Variants in ACBD5 observed in about 807,000 individuals in gnomAD.
ACBD5 encodes acyl-CoA binding domain containing 5.
Under a neutral mutation model 71.8 loss-of-function variants are expected in ACBD5, and 40 were observed. The observed-to-expected ratio is 0.56, with a 90% CI of 0.43 to 0.72. The LOEUF is 0.72. Ranked by LOEUF, ACBD5 falls within the 30% of genes least tolerant of loss-of-function variation. The pLI, the probability that ACBD5 is intolerant of heterozygous loss-of-function variation, is 0.00. For missense variants in ACBD5, 559 were observed against 644.5 expected, an observed-to-expected ratio of 0.87 and a Z score of 1.44; for synonymous variants, 229 against 218.6, an observed-to-expected ratio of 1.05 and a Z score of -0.42.
Position 27,239,954 on chromosome 10 carries a change from G to T in ACBD5, c.181+365C>A, listed in dbSNP as rs149023091. Among the ~76,000 whole-genome samples the T allele has an allele frequency of 7.3e-3, 1,117 of 152,230 alleles. 21 individuals are homozygous for T. Among genetic ancestry groups the T allele is most frequent in the East Asian group, 0.048 (249 of 5,174 alleles). ...GTAGAGACGGGGTTTCACCATATTG[G>T]TCAGGCTGGTCTTGAACTCCTGACC... On this transcript the variant is annotated intron_variant, in intron 2 of 12. Coordinates refer to ENST00000396271, the MANE Select transcript of ACBD5 (RefSeq NM_145698.5).
intron 13 of ACBD5, among the ~76,000 whole-genome samples, chr10:27,184,874 T>C (rs1329655164): frequency 1.3e-5 from 2 of 152,172 alleles, no homozygotes; most frequent in African/African-American, 4.8e-5. Flanking sequence ...GAGCATACTT[T>C]TATTTTACTA....
intron 4 of ACBD5, among the ~76,000 whole-genome samples, chr10:27,229,100 G>T (rs899696104): frequency 2.0e-5 from 3 of 150,780 alleles, no homozygotes; most frequent in African/African-American, 7.3e-5. Flanking sequence ...GGGATTACAG[G>T]CCTGAGCCAC....
intron 4 of ACBD5, among the ~76,000 whole-genome samples, chr10:27,224,254 G>A (rs1415541833): frequency 6.6e-6 from 1 of 151,802 alleles, no homozygotes. Flanking sequence ...GTGCACGCCT[G>A]TAGTCCCAGC....
chr10:27,217,904 A>T (rs1418445584), intron 7 of ACBD5, 76 bp downstream of exon 7: 3 of 1,274,338 alleles, frequency 2.4e-6, no homozygotes, highest in African/African-American at 1.5e-5. Context: ...AATTAAACTG[A>T]TCCTAAAGAT....
chr10:27,203,265 C>T (rs1028348762), intron 12 of ACBD5, among the ~76,000 whole-genome samples: 2 of 152,094 alleles, frequency 1.3e-5, no homozygotes, highest in Non-Finnish European at 2.9e-5. Flanking sequence ...GGATTATAGA[C>T]ATGAGCCACT....
chr10:27,225,719 T>A (rs867867688), intron 4 of ACBD5, among the ~76,000 whole-genome samples: 7 of 152,148 alleles, frequency 4.6e-5, no homozygotes, highest in Non-Finnish European at 1.0e-4. Context: ...AAGAGAAATG[T>A]TTAATGTGAC....
chr10:27,234,081 T>C (rs2064295593), intron 3 of ACBD5, among the ~76,000 whole-genome samples: 2 of 152,276 alleles, frequency 1.3e-5, no homozygotes, highest in Admixed American at 1.3e-4. Flanking sequence ...CTTCACCAAT[T>C]AGCATATTCT....
chr10:27,223,569 T>A (rs1029166323), intron 4 of ACBD5, 117 bp from the exon 5 acceptor site: 5 of 796,778 alleles, frequency 6.3e-6, no homozygotes, highest in East Asian at 2.7e-5. Flanking sequence ...ACATTCATAA[T>A]AGACTCTCTG....
At chr10:27,234,205 C>T (rs1235414084) in intron 3 of ACBD5, among the ~76,000 whole-genome samples, 1 of 152,080 alleles carries the variant, frequency 6.6e-6, no homozygotes, top group Non-Finnish European at 1.5e-5. Flanking sequence ...AGTACAGGTA[C>T]CTGTATCTAT....
intron 4 of ACBD5, among the ~76,000 whole-genome samples, chr10:27,229,019 G>A (rs1223912505): frequency 4.7e-5 from 7 of 148,356 alleles, no homozygotes; most frequent in East Asian, 2.0e-4. Flanking sequence ...ACGGGGTTTC[G>A]CCATGTTGGC....
In ACBD5 at chr10:27,231,799, A is replaced by G; in HGVS notation, c.324T>C (p.Gly108=). 1 of 1,613,770 alleles carries G rather than the reference A, an allele frequency of 6.2e-7. No homozygotes were observed. The highest frequency in any genetic ancestry group is 8.5e-7 in the Non-Finnish European group (1 of 1,179,948). The change falls in exon 4 of 13, where the codon GGT becomes GGC. Residue 108 remains glycine (G), a synonymous_variant. Transcript: ENST00000396271. ...RYKWDAWSSL[G]DMTKEEAMIA... ...TCATGGCTTCCTCTTTGGTCATATC[A>G]CCCAGTGAACTCCAAGCATCCCTAG...
intron 12 of ACBD5, among the ~76,000 whole-genome samples, chr10:27,200,754 C>T (rs113681814): frequency 0.059 from 8,990 of 152,188 alleles, 422 homozygotes; most frequent in Admixed American, 0.12. Flanking sequence ...CCACCGCGTC[C>T]GGCCTATTCC....
At chr10:27,221,683 T>C (rs1440261004) in intron 5 of ACBD5, among the ~76,000 whole-genome samples, 1 of 151,270 alleles carries the variant, frequency 6.6e-6, no homozygotes, top group African/African-American at 2.4e-5. Flanking sequence ...GGAAGCTGAG[T>C]TGGGAGGATT....
At position 27,200,678 on chromosome 10, in the gene ACBD5, C is replaced by T. The variant is rs541606140; in HGVS notation, c.1566-3236G>A. ...TTCACCATGTTGGTCAGGCTGGTCT[C>T]GAGCTCCTGACCTCAGGTGACCGGC... On this transcript the variant is annotated intron_variant, in intron 12 of 12. Coordinates refer to ENST00000396271, the MANE Select transcript of ACBD5 (RefSeq NM_145698.5). Among the ~76,000 whole-genome samples, 5 of 152,234 alleles carry T rather than the reference C, an allele frequency of 3.3e-5. No individual in the cohort carries two copies. In the South Asian group the frequency reaches 6.2e-4, roughly 19 times the overall value.
At chr10:27,186,138 C>T (rs900118666) in intron 13 of ACBD5, among the ~76,000 whole-genome samples, 3 of 152,146 alleles carry the variant, frequency 2.0e-5, no homozygotes, top group African/African-American at 7.2e-5. Context: ...GCAAATCATT[C>T]ATTCTGTCAT....
chr10:27,185,174 G>A (rs1238922137), intron 13 of ACBD5, among the ~76,000 whole-genome samples: 1 of 152,206 alleles, frequency 6.6e-6, no homozygotes, highest in Non-Finnish European at 1.5e-5. Flanking sequence ...TGCTAAAGCT[G>A]TCTAGGGCAA....
At chr10:27,194,349 G>T (rs550280552), downstream of ACBD5, among the ~76,000 whole-genome samples, 1 of 149,958 alleles carries the variant, frequency 6.7e-6, no homozygotes, top group Non-Finnish European at 1.5e-5. Flanking sequence ...GGTGACTCAC[G>T]CCTGTAATCC....
intron 11 of ACBD5, 55 bp downstream of exon 11, chr10:27,205,143 A>T: frequency 4.5e-6 from 7 of 1,558,392 alleles, no homozygotes; most frequent in Non-Finnish European, 6.2e-6. Context: ...AAACAAAAAC[A>T]ACAACAAAAA....
chr10:27,235,320 TTAGA>T, intron 2 of ACBD5, 108 bp from the exon 3 acceptor site: 1 of 1,319,642 alleles, frequency 7.6e-7, no homozygotes, highest in South Asian at 1.3e-5. Context: ...CATTAATACT[TTAGA>T]TAATGATTTA....
Sources: allele counts gnomAD v4.1 joint callset (sites outside exome capture counted in the v4.1 genomes callset), GRCh38; gene constraint gnomAD v4.1.1; transcripts MANE v1.5; gene names NCBI Gene and HGNC (gene_info 2026-07-23, HGNC 2026-07-21).